DNM2: variants seen among roughly 807,000 people sequenced by gnomAD.
DNM2 encodes the protein dynamin-2.
DNM2 carries 15 observed loss-of-function variants against 99.0 expected under a neutral mutation model. That is an observed-to-expected ratio of 0.15 (90% confidence interval 0.10 to 0.23). The LOEUF (loss-of-function observed/expected upper bound fraction) is 0.23. DNM2 is among the 10% of genes least tolerant of loss of function. The pLI is 1.00. For synonymous variants in DNM2, 525 were observed against 481.2 expected (o/e 1.09, Z -1.19); for missense variants, 742 against 1,189.4 (o/e 0.62, Z 5.53).
At chr19:10,751,269 A>T (rs1477396088) in intron 1 of DNM2, among the ~76,000 whole-genome samples, 1 of 152,022 alleles carries the variant, frequency 6.6e-6, no homozygotes, top group East Asian at 1.9e-4. Context: ...CCCGCCCAGG[A>T]TCACACAGCA....
intron 1 of DNM2, 193 bp downstream of exon 1, chr19:10,718,596 G>C: frequency 4.7e-6 from 4 of 843,632 alleles, no homozygotes; most frequent in Non-Finnish European, 6.2e-6. Flanking sequence ...CTCCGGAGCA[G>C]GCCCGGGCCC....
Position 10,761,185 on chromosome 19 carries a change from C to T in DNM2, c.235+1374C>T, listed in dbSNP as rs551216618. On this transcript the variant is annotated intron_variant, in intron 2 of 20. Coordinates refer to ENST00000389253, the MANE Select transcript of DNM2 (RefSeq NM_001005361.3). ...TGTATTTTTAGTAGAGATGGGATTT[C>T]ACCATGTTGGCCAGGCTGGTCTTGA... Among the ~76,000 whole-genome samples the T allele has an allele frequency of 2.5e-4, 38 of 151,912 alleles. 1 individual carries two copies. The South Asian group carries it at 5.3e-3, about 21-fold the overall frequency.
In DNM2 at chr19:10,811,677, C is replaced by G; in HGVS notation, c.1558-587C>G. The G allele has an allele frequency of 1.9e-6, 1 of 514,174 alleles. No homozygotes were observed. The highest frequency in any genetic ancestry group is 3.9e-6 in the Non-Finnish European group (1 of 258,104). 31.9% of individuals were successfully genotyped at this position (514,174 alleles called of 1,614,324 possible). A position where few individuals can be genotyped will look rare whatever the true frequency, so the allele number is the denominator to read the frequency against. On this transcript the variant is annotated intron_variant, in intron 14 of 20. Coordinates refer to ENST00000389253, the MANE Select transcript of DNM2 (RefSeq NM_001005361.3). The surrounding 1 kb of genome is among the most constrained non-coding windows in gnomAD (Gnocchi z 5.4). The stretch of plus-strand genomic sequence containing the variant: ...CTGCCGTTAGTTGTCAGGTGAGTCC[C>G]TGCGCAGGCCTGGGTTCTGACCCCC...
At chr19:10,794,673 C>T (rs1346320177) in intron 8 of DNM2, among the ~76,000 whole-genome samples, 9 of 151,292 alleles carry the variant, frequency 5.9e-5, no homozygotes. Context: ...GCCCAGGAGG[C>T]AGAGGATGCA....
At position 10,812,515 on chromosome 19, in the gene DNM2, ACGGTGG is replaced by A; in HGVS notation, c.1671+140_1671+145del. The A allele has an allele frequency of 1.5e-6, 1 of 662,468 alleles. No individual in the cohort carries two copies. The highest frequency in any genetic ancestry group is 1.7e-5 in the South Asian group (1 of 58,872). The allele number at this position is 662,468 out of a possible 1,614,324, so 41.0% of individuals were successfully genotyped here. A position where few individuals can be genotyped will look rare whatever the true frequency, so the allele number is the denominator to read the frequency against. On this transcript the variant is annotated intron_variant, in intron 15 of 20. Coordinates refer to ENST00000389253, the MANE Select transcript of DNM2 (RefSeq NM_001005361.3). The surrounding 1 kb of genome is among the most constrained non-coding windows in gnomAD (Gnocchi z 4.0). ...CCATTAGGACTGTAACTCGCCGGGC[ACGGTGG>A]CTCCCGCCTGTAATCCCAGCACTTT... is the stretch of plus-strand genomic sequence containing the variant.
intron 1 of DNM2, among the ~76,000 whole-genome samples, chr19:10,752,309 A>G (rs1457556379): frequency 6.6e-6 from 1 of 152,202 alleles, no homozygotes; most frequent in Non-Finnish European, 1.5e-5. Flanking sequence ...CATATTCCAC[A>G]CTACAAATAC....
intron 1 of DNM2, among the ~76,000 whole-genome samples, chr19:10,729,069 G>T (rs188959093): frequency 8.2e-6 from 1 of 121,956 alleles, no homozygotes. Flanking sequence ...AAAAATATAG[G>T]CAGGAGAATG....
chr19:10,745,178 G>C (rs189149364), intron 1 of DNM2, among the ~76,000 whole-genome samples: 2 of 152,272 alleles, frequency 1.3e-5, no homozygotes, highest in East Asian at 3.9e-4. Context: ...CATCCCCCAC[G>C]CATAATCCAG....
chr19:10,811,667 A>G lies in DNM2; in HGVS notation c.1558-597A>G, dbSNP rs2072549884. ...CCCAGGCTGCCTGCCGTTAGTTGTCAGGTGAGTCCCTGCGCAGGCCTGGGT... is the reference window on the plus strand; with the variant it reads ...CCCAGGCTGCCTGCCGTTAGTTGTCGGGTGAGTCCCTGCGCAGGCCTGGGT... On this transcript the variant is annotated intron_variant, in intron 14 of 20. Coordinates refer to ENST00000389253, the MANE Select transcript of DNM2 (RefSeq NM_001005361.3). The surrounding 1 kb of genome is among the most constrained non-coding windows in gnomAD (Gnocchi z 5.4). 1 of 511,090 alleles carries G rather than the reference A, an allele frequency of 2.0e-6. No homozygotes were observed. Among genetic ancestry groups the G allele is most frequent in the East Asian group, 5.5e-5 (1 of 18,100 alleles). The allele number at this position is 511,090 out of a possible 1,614,324, so 31.7% of individuals were successfully genotyped here. A position where few individuals can be genotyped will look rare whatever the true frequency, so the allele number is the denominator to read the frequency against.
chr19:10,775,651 G>T lies in DNM2; in HGVS notation c.386-52G>T. On this transcript the variant is annotated intron_variant, in intron 3 of 20. Coordinates refer to ENST00000389253, the MANE Select transcript of DNM2 (RefSeq NM_001005361.3). The surrounding 1 kb of genome is among the most constrained non-coding windows in gnomAD (Gnocchi z 4.3). ...CAGCTGGGTGGCTGCGGGCCTGTTT[G>T]TGCCTCCCCTCTCCTGGCTCTGAAT... The T allele has an allele frequency of 1.2e-6, 2 of 1,608,732 alleles. No individual in the cohort carries two copies. The highest frequency in any genetic ancestry group is 8.5e-7 in the Non-Finnish European group (1 of 1,175,640).
At position 10,817,386 on chromosome 19, in the gene DNM2, T is replaced by C. The variant is rs1457142763; in HGVS notation, c.1672-2594T>C. On this transcript the variant is annotated intron_variant, in intron 15 of 20. Coordinates refer to ENST00000389253, the MANE Select transcript of DNM2 (RefSeq NM_001005361.3). This position sits in a 1 kb window ranked among gnomAD's most constrained non-coding sequence, Gnocchi z 4.6. ...AAAATGACACTCACCTGCCGGCGAG[T>C]TTGGGGGGCCTGTCTCGACGAGCCG... 5 of 487,386 alleles carry C rather than the reference T, an allele frequency of 1.0e-5. No homozygotes were observed. The highest frequency in any genetic ancestry group is 2.0e-5 in the African/African-American group (1 of 50,380). 30.2% of individuals were successfully genotyped at this position (487,386 alleles called of 1,614,324 possible).
At chr19:10,741,636 G>T (rs1255979323) in intron 1 of DNM2, among the ~76,000 whole-genome samples, 4 of 150,410 alleles carry the variant, frequency 2.7e-5, no homozygotes, top group African/African-American at 9.8e-5. Context: ...TGCAAGCTCC[G>T]CCTCCCGGGT....
intron 1 of DNM2, among the ~76,000 whole-genome samples, chr19:10,734,342 CAAAA>C (rs752387265): frequency 3.2e-5 from 3 of 92,338 alleles, no homozygotes; most frequent in Admixed American, 1.2e-4. Flanking sequence ...GACTCTGTCT[CAAAA>C]AAAAAAAAAA....
At chr19:10,826,609 G>A (rs937449452) in intron 18 of DNM2, among the ~76,000 whole-genome samples, 9 of 152,270 alleles carry the variant, frequency 5.9e-5, no homozygotes, top group South Asian at 2.1e-4. Flanking sequence ...CTTTGGGGCC[G>A]GAGCAGTGGC....
Position 10,786,717 on chromosome 19 carries a change from C to T in DNM2, c.992+11C>T, listed in dbSNP as rs761511769. On this transcript the variant is annotated intron_variant, in intron 7 of 20. Transcript: ENST00000389253. ...CAAAGCCCTGCTGCAGTATGTACCC[C>T]GGCACCCACCACCACCACCACCCTG... 100 of 1,613,808 alleles carry T rather than the reference C, an allele frequency of 6.2e-5. 1 individual carries two copies. The highest frequency in any genetic ancestry group is 3.7e-4 in the Admixed American group (22 of 59,968).
Position 10,830,443 on chromosome 19 carries a change from C to T in DNM2, c.2543+65C>T. 6.4e-7 allele frequency: 1 copy of T among 1,555,938 alleles called. No homozygotes were observed. The highest frequency in any genetic ancestry group is 2.3e-5 in the East Asian group (1 of 44,344). ...CCCTGGGGTCTCTCCTCCTGTCTCA[C>T]TTCCTCCCAGTGAGCTCTCACTACG... On this transcript the variant is annotated intron_variant, in intron 20 of 20. Transcript: ENST00000389253. This position sits in a 1 kb window ranked among gnomAD's most constrained non-coding sequence, Gnocchi z 4.8.
intron 12 of DNM2, among the ~76,000 whole-genome samples, chr19:10,805,014 A>G (rs919304138): frequency 1.3e-5 from 2 of 152,226 alleles, no homozygotes; most frequent in Admixed American, 6.5e-5. Context: ...TGGTGATATG[A>G]TTGTCAGAGT....
At chr19:10,759,924 A>C in intron 2 of DNM2, 113 bp downstream of exon 2, 1 of 1,405,478 alleles carries the variant, frequency 7.1e-7, no homozygotes, top group East Asian at 2.3e-5. Context: ...TGGACATTGA[A>C]TTCACGTGTT....
intron 1 of DNM2, among the ~76,000 whole-genome samples, chr19:10,745,282 A>C (rs948456346): frequency 3.3e-5 from 5 of 152,152 alleles, no homozygotes; most frequent in Admixed American, 2.0e-4. Context: ...GCCAGTGGAC[A>C]TTTAGGTCAT....
Sources: allele counts gnomAD v4.1 joint callset (sites outside exome capture counted in the v4.1 genomes callset), GRCh38; gene constraint gnomAD v4.1.1; non-coding constraint Gnocchi (gnomAD v3.1); transcripts MANE v1.5; gene names NCBI Gene and HGNC (gene_info 2026-07-23, HGNC 2026-07-21).